The following GSN variants were observed in gnomAD, a reference collection of about 807,000 sequenced individuals.
GSN encodes the protein actin-depolymerizing factor.
In GSN, 56 loss-of-function variants were observed where a neutral mutation model predicts 85.7. The ratio of observed to expected loss-of-function variants is 0.65; its 90% confidence interval spans 0.53 to 0.82. The LOEUF is 0.82. Among genes scored for constraint, GSN ranks in the 40% least tolerant of loss-of-function variants. The pLI is 0.00. For synonymous variants in GSN, 373 were observed against 399.1 expected (o/e 0.93, Z 0.78); for missense variants, 857 against 979.8 (o/e 0.87, Z 1.67).
chr9:121,251,715 T>C (rs1316423970), intron 6 of GSN, among the ~76,000 whole-genome samples: 17 of 151,966 alleles, frequency 1.1e-4, no homozygotes, highest in Admixed American at 1.1e-3. Flanking sequence ...TCCCAGCACT[T>C]TGGGAGGCTG....
chr9:121,324,754 C>T (rs932615671), intron 12 of GSN, 110 bp downstream of exon 12: 19 of 497,190 alleles, frequency 3.8e-5, no homozygotes, highest in African/African-American at 3.4e-4. Flanking sequence ...TCTGTCTGTC[C>T]ATCCATCCAT....
intron 5 of GSN, chr9:121,239,258 C>G (rs546116276): frequency 2.7e-6 from 1 of 373,600 alleles, no homozygotes; most frequent in East Asian, 6.8e-5. Context: ...ATAACCAATA[C>G]ATGTTTCTCA....
intron 4 of GSN, among the ~76,000 whole-genome samples, chr9:121,305,815 C>G (rs1218873833): frequency 6.6e-6 from 1 of 152,236 alleles, no homozygotes; most frequent in Admixed American, 6.5e-5. Flanking sequence ...AGTCTGCCCC[C>G]GCACTTGGCA....
intron 2 of GSN, among the ~76,000 whole-genome samples, chr9:121,293,712 AAAAG>A (rs78717429): frequency 6.6e-6 from 1 of 152,050 alleles, no homozygotes; most frequent in African/African-American, 2.4e-5. Context: ...AAAAAAAAAA[AAAAG>A]AAAGGCATTT....
rs59056849 is a variant in GSN, at chr9:121,323,371, G to GTTTTTTT, written c.1326-1171_1326-1165dup. On this transcript the variant is annotated intron_variant, in intron 11 of 17. Transcript: ENST00000432226. ...AAATTTCCTCAGTTTTCCCATTACC[G>GTTTTTTT]TTTTTTTTTTTTTTTTTTAGACAGA... Among the ~76,000 whole-genome samples the GTTTTTTT allele has an allele frequency of 1.6e-3, 185 of 117,684 alleles. 11 individuals carry two copies. The highest frequency in any genetic ancestry group is 1.7e-3 in the Non-Finnish European group (100 of 59,352). The allele number at this position is 117,684 out of a possible 152,430, so 77.2% of individuals were successfully genotyped here.
At chr9:121,319,951 A>G (rs1037367789) in intron 10 of GSN, among the ~76,000 whole-genome samples, 1 of 152,050 alleles carries the variant, frequency 6.6e-6, no homozygotes, top group Admixed American at 6.6e-5. Flanking sequence ...ATTTTTATAT[A>G]TTATTGTTTT....
intron 5 of GSN, among the ~76,000 whole-genome samples, chr9:121,245,363 T>G (rs1460884460): frequency 6.6e-6 from 1 of 152,176 alleles, no homozygotes; most frequent in Non-Finnish European, 1.5e-5. Context: ...CTTTCTTTCT[T>G]TCTTTCATTT....
At chr9:121,321,218 T>C (rs1564563176) in intron 10 of GSN, 50 bp from the exon 11 acceptor site, 2 of 1,607,432 alleles carry the variant, frequency 1.2e-6, no homozygotes, top group East Asian at 2.2e-5. Flanking sequence ...TTGCCTGAGC[T>C]GGGGGGTGGG....
Position 121,332,621 on chromosome 9 carries a change from C to G in GSN, c.*18C>G. Reference sequence around the variant, plus strand: ...CTGCCTGAGGAGGGGCAGGGCCCACCCATGTCACCGGTCAGTGCCTTTTGG... The same window carrying G: ...CTGCCTGAGGAGGGGCAGGGCCCACGCATGTCACCGGTCAGTGCCTTTTGG... On this transcript the variant is annotated 3_prime_UTR_variant, in exon 18 of 18. Transcript: ENST00000432226. The surrounding 1 kb of genome is among the most constrained non-coding windows in gnomAD (Gnocchi z 4.8). 6.2e-7 allele frequency: 1 copy of G among 1,605,796 alleles called. No individual in the cohort carries two copies. The highest frequency in any genetic ancestry group is 8.5e-7 in the Non-Finnish European group (1 of 1,174,676).
chr9:121,275,030 C>T (rs1336233537), intron 1 of GSN, among the ~76,000 whole-genome samples: 2 of 152,198 alleles, frequency 1.3e-5, no homozygotes, highest in Non-Finnish European at 2.9e-5. Flanking sequence ...TTCCTACCAG[C>T]CATCCGTGAG....
intron 6 of GSN, among the ~76,000 whole-genome samples, chr9:121,259,718 G>GC (rs5900478): frequency 0.41 from 63,056 of 151,984 alleles, 14,403 homozygotes; most frequent in East Asian, 0.62. Flanking sequence ...GAGCTTAAGA[G>GC]CCGTGACTGT....
At chr9:121,327,970 GTC>G (rs1414403532) in intron 14 of GSN, among the ~76,000 whole-genome samples, 1 of 152,154 alleles carries the variant, frequency 6.6e-6, no homozygotes, top group Non-Finnish European at 1.5e-5. Context: ...GTAAAACTCT[GTC>G]TCAAAAAGAA....
chr9:121,320,966 G>A (rs1372651625), intron 10 of GSN, among the ~76,000 whole-genome samples: 2 of 152,152 alleles, frequency 1.3e-5, no homozygotes, highest in African/African-American at 4.8e-5. Context: ...GTCTGTGTCT[G>A]GCTCCTCCCC....
intron 5 of GSN, among the ~76,000 whole-genome samples, chr9:121,237,796 A>G (rs2054525467): frequency 6.6e-6 from 1 of 152,248 alleles, no homozygotes; most frequent in Non-Finnish European, 1.5e-5. Flanking sequence ...CAAGAGACCC[A>G]GATAATGAGG....
chr9:121,206,844 G>A (rs1163925896), upstream of GSN, among the ~76,000 whole-genome samples: 2 of 152,160 alleles, frequency 1.3e-5, no homozygotes, highest in Admixed American at 1.3e-4. Flanking sequence ...CCACCTCCCA[G>A]GCGCAGGCCA....
intron 2 of GSN, among the ~76,000 whole-genome samples, chr9:121,297,074 T>A (rs906075017): frequency 6.6e-6 from 1 of 152,202 alleles, no homozygotes; most frequent in Non-Finnish European, 1.5e-5. Flanking sequence ...CTGGCCCAGG[T>A]TCAGTCTGGG....
intron 5 of GSN, 127 bp from the exon 6 acceptor site, chr9:121,312,212 A>T: frequency 2.1e-6 from 2 of 952,138 alleles, no homozygotes; most frequent in Non-Finnish European, 3.4e-6. Flanking sequence ...AGACTGTGCC[A>T]GCCTTCACCT....
upstream of GSN, among the ~76,000 whole-genome samples, chr9:121,207,059 A>G (rs930887634): frequency 6.6e-6 from 1 of 152,256 alleles, no homozygotes; most frequent in African/African-American, 2.4e-5. Flanking sequence ...AGGGAGATTG[A>G]TATCTAAATT....
At chr9:121,297,571 A>T (rs1320520260) in intron 2 of GSN, among the ~76,000 whole-genome samples, 1 of 152,166 alleles carries the variant, frequency 6.6e-6, no homozygotes, top group African/African-American at 2.4e-5. Flanking sequence ...GTATATGCAA[A>T]AACAGGCACC....
Sources: allele counts gnomAD v4.1 joint callset (sites outside exome capture counted in the v4.1 genomes callset), GRCh38; gene constraint gnomAD v4.1.1; non-coding constraint Gnocchi (gnomAD v3.1); transcripts MANE v1.5; gene names NCBI Gene and HGNC (gene_info 2026-07-23, HGNC 2026-07-21).